ADK: variants seen among roughly 807,000 people sequenced by gnomAD.
The protein encoded by ADK is adenosine kinase, also known as N6,N6-dimethyladenosine kinase.
Under a neutral mutation model 44.7 loss-of-function variants are expected in ADK, and 24 were observed. That is an observed-to-expected ratio of 0.54 (90% CI 0.39 to 0.76). The LOEUF (loss-of-function observed/expected upper bound fraction) is 0.76. ADK is among the 30% of genes least tolerant of loss of function. The pLI is 0.00. For missense variants in ADK, 321 were observed against 425.1 expected, an observed-to-expected ratio of 0.76 and a Z score of 2.15; for synonymous variants, 128 against 142.6, an observed-to-expected ratio of 0.90 and a Z score of 0.73.
chr10:74,612,356 A>G (rs1852588583), intron 9 of ADK, among the ~76,000 whole-genome samples: 1 of 152,118 alleles, frequency 6.6e-6, no homozygotes. Context: ...CTGAGGCTCA[A>G]GCAGTTCTCC....
chr10:74,166,213 T>C (rs1171130368), intron 1 of ADK, among the ~76,000 whole-genome samples: 6 of 152,254 alleles, frequency 3.9e-5, no homozygotes, highest in African/African-American at 1.4e-4. Context: ...TTGCTGGGAT[T>C]ACAGGCGTGA....
chr10:74,559,742 C>T (rs1589248036), intron 7 of ADK, among the ~76,000 whole-genome samples: 1 of 151,966 alleles, frequency 6.6e-6, no homozygotes, highest in East Asian at 1.9e-4. Context: ...TGTTGTAATT[C>T]TATATCTTTT....
intron 2 of ADK, among the ~76,000 whole-genome samples, chr10:74,203,951 CTTTTTTTTTTTT>C (rs760810639): frequency 1.0e-5 from 1 of 95,830 alleles, no homozygotes; most frequent in East Asian, 3.0e-4. Flanking sequence ...TTATTTAGGT[CTTTTTTTTTTTT>C]TTTTTTTTTT....
chr10:74,567,993 C>G (rs1216196529), intron 7 of ADK, among the ~76,000 whole-genome samples: 1 of 152,162 alleles, frequency 6.6e-6, no homozygotes, highest in Non-Finnish European at 1.5e-5. Flanking sequence ...GCCACCGCGC[C>G]AGGCCCTATT....
At chr10:74,219,077 T>C (rs1205313899) in intron 2 of ADK, among the ~76,000 whole-genome samples, 5 of 152,052 alleles carry the variant, frequency 3.3e-5, no homozygotes, top group African/African-American at 4.8e-5. Flanking sequence ...GACTGGCAAA[T>C]TGGATAAAGA....
intron 6 of ADK, among the ~76,000 whole-genome samples, chr10:74,426,560 A>G (rs1307575162): frequency 6.6e-6 from 1 of 152,206 alleles, no homozygotes; most frequent in African/African-American, 2.4e-5. Context: ...ATGTTCAGGA[A>G]GGATAAAGCA....
chr10:74,202,681 G>T (rs927622946), intron 2 of ADK, among the ~76,000 whole-genome samples: 6 of 152,118 alleles, frequency 3.9e-5, no homozygotes, highest in Non-Finnish European at 8.8e-5. Context: ...ATGTCTCATT[G>T]TGATTTTGAT....
intron 9 of ADK, among the ~76,000 whole-genome samples, chr10:74,606,411 G>A (rs552423219): frequency 1.1e-4 from 16 of 152,222 alleles, no homozygotes; most frequent in African/African-American, 3.8e-4. Context: ...CACTGCTTTA[G>A]CTGTGTCCCA....
chr10:74,176,644 G>A (rs1359666094), intron 1 of ADK: 8 of 1,409,038 alleles, frequency 5.7e-6, no homozygotes, highest in Non-Finnish European at 7.4e-6. Context: ...GGCCCACGGC[G>A]TCTGGGGACG....
In ADK at chr10:74,440,965, G is replaced by A. The variant is rs1592218165; in HGVS notation, c.555+42386G>A. Among the ~76,000 whole-genome samples the A allele has an allele frequency of 2.6e-5, 4 of 152,218 alleles. 2 individuals are homozygous for A. Among genetic ancestry groups the A allele is most frequent in the Admixed American group, 2.6e-4 (4 of 15,288 alleles). ...CTTTAGTGAACTACCCATCTTCTAG[G>A]AAGAATAAGATCTATTGTAATATAA... On this transcript the variant is annotated intron_variant, in intron 6 of 10. Coordinates refer to ENST00000539909, the MANE Select transcript of ADK (RefSeq NM_006721.4).
chr10:74,456,584 G>A (rs1464865243), intron 6 of ADK, among the ~76,000 whole-genome samples: 1 of 148,614 alleles, frequency 6.7e-6, no homozygotes, highest in Non-Finnish European at 1.5e-5. Context: ...GGAGAATGGC[G>A]TGAACCCGGG....
chr10:74,216,729 A>AT (rs1221922596), intron 2 of ADK, among the ~76,000 whole-genome samples: 221 of 151,544 alleles, frequency 1.5e-3, no homozygotes, highest in East Asian at 5.0e-3. Context: ...TGTCTCAAAA[A>AT]AAAAAATAAA....
At chr10:74,313,580 A>G (rs183236315) in intron 3 of ADK, among the ~76,000 whole-genome samples, 28 of 152,096 alleles carry the variant, frequency 1.8e-4, no homozygotes, top group African/African-American at 6.7e-4. Flanking sequence ...TTCACATTAT[A>G]TGCTTTAAAG....
intron 10 of ADK, among the ~76,000 whole-genome samples, chr10:74,673,380 A>C (rs1053973769): frequency 2.0e-5 from 3 of 152,230 alleles, no homozygotes; most frequent in Admixed American, 6.5e-5. Context: ...TCTCAGGCAG[A>C]AATTGCAGTG....
chr10:74,680,740 C>G (rs1855576211), intron 10 of ADK, among the ~76,000 whole-genome samples: 1 of 152,150 alleles, frequency 6.6e-6, no homozygotes, highest in Admixed American at 6.6e-5. Flanking sequence ...GGCTACTTAT[C>G]AGCAAAGGTC....
At chr10:74,382,244 G>A (rs1421109237) in intron 4 of ADK, among the ~76,000 whole-genome samples, 5 of 152,090 alleles carry the variant, frequency 3.3e-5, no homozygotes, top group Non-Finnish European at 1.5e-5. Context: ...AACTACAGGT[G>A]CACACCACCA....
chr10:74,344,959 T>G (rs1841712294), intron 4 of ADK, among the ~76,000 whole-genome samples: 1 of 152,224 alleles, frequency 6.6e-6, no homozygotes, highest in South Asian at 2.1e-4. Flanking sequence ...AGTACAAGGC[T>G]GGAGGCCTAC....
chr10:74,524,387 A>ATGATTGAT, intron 6 of ADK, among the ~76,000 whole-genome samples: 1 of 152,274 alleles, frequency 6.6e-6, no homozygotes, highest in Admixed American at 6.5e-5. Context: ...GTAACAAGTT[A>ATGATTGAT]TGATTGATTG....
At chr10:74,212,006 T>C (rs145531032) in intron 2 of ADK, among the ~76,000 whole-genome samples, 176 of 152,300 alleles carry the variant, frequency 1.2e-3, no homozygotes, top group African/African-American at 4.0e-3. Context: ...CATTAACAGA[T>C]AGTCTTTGGT....
Sources: gnomAD v4.1 joint callset for allele counts (sites outside exome capture counted in the v4.1 genomes callset) on GRCh38, gnomAD v4.1.1 for gene constraint, MANE v1.5 for transcripts, NCBI Gene and HGNC (gene_info 2026-07-23, HGNC 2026-07-21) for gene names.